Variants in PATJ observed in about 807,000 individuals in gnomAD.
PATJ encodes the protein PATJ crumbs cell polarity complex component.
A neutral mutation model predicts 224.9 loss-of-function variants in PATJ; 190 were observed. That is an observed-to-expected ratio of 0.84 (90% CI 0.75 to 0.95). The LOEUF (loss-of-function observed/expected upper bound fraction) is 0.95, where lower values mean the gene tolerates loss of function less well. Ranked by LOEUF, PATJ falls within the 40% of genes least tolerant of loss-of-function variation. The pLI is 0.00. For missense variants in PATJ, 2,121 were observed against 2,270.3 expected (o/e 0.93, Z 1.34); for synonymous variants, 769 against 820.3 (o/e 0.94, Z 1.07).
intron 27 of PATJ, among the ~76,000 whole-genome samples, chr1:61,951,144 G>T (rs1210637538): frequency 6.7e-6 from 1 of 149,786 alleles, no homozygotes; most frequent in South Asian, 2.1e-4. Context: ...TCTAAAAAGC[G>T]CACCTCTGCA....
chr1:61,875,246 A>G lies in PATJ; in HGVS notation c.2839A>G (p.Lys947Glu), dbSNP rs202138391. The G allele has an allele frequency of 1.2e-4, 197 of 1,587,130 alleles. No homozygotes were observed. The East Asian group carries it at 4.2e-3, about 34-fold the overall frequency. ...PYGYCPENVMKENFVMESLPS... is the reference protein window; with the variant it reads ...PYGYCPENVMEENFVMESLPS... Reference sequence around the variant, plus strand: ...TTCTATTTTTCTTCCTCTCAAGATGAAAGAAAATTTTGTCATGGAGTCCCT... The same window carrying G: ...TTCTATTTTTCTTCCTCTCAAGATGGAAGAAAATTTTGTCATGGAGTCCCT... Residue 947 changes from lysine (K) to glutamate (E), a missense_variant, in exon 21 of 44, where the codon AAA (lysine) becomes GAA (glutamate). By Grantham distance (56) the Lys-to-Glu change is moderately conservative. Coordinates refer to ENST00000642238, the MANE Select transcript of PATJ (RefSeq NM_001350145.3).
chr1:62,025,866 A>G (rs1307488993), intron 29 of PATJ, among the ~76,000 whole-genome samples: 2 of 152,172 alleles, frequency 1.3e-5, no homozygotes, highest in Non-Finnish European at 2.9e-5. Flanking sequence ...TGATAAACTT[A>G]TTAGGCCAAG....
At chr1:61,831,754 T>C (rs1659364527) in intron 16 of PATJ, among the ~76,000 whole-genome samples, 1 of 152,208 alleles carries the variant, frequency 6.6e-6, no homozygotes, top group Non-Finnish European at 1.5e-5. Context: ...GTTCAGCCAC[T>C]GTGGAAAGCA....
intron 20 of PATJ, 62 bp from the exon 21 acceptor site, chr1:61,875,181 C>T: frequency 9.1e-7 from 1 of 1,095,316 alleles, no homozygotes; most frequent in Admixed American, 2.3e-5. Flanking sequence ...GCTTGATCAA[C>T]TGTACAGTAA....
chr1:61,874,172 T>TTTTA (rs61201804), intron 20 of PATJ, among the ~76,000 whole-genome samples: 28,962 of 139,342 alleles, frequency 0.21, 3,443 homozygotes, highest in East Asian at 0.51. Flanking sequence ...CTTGGGCCTA[T>TTTTA]TTTATTTATT....
intron 31 of PATJ, among the ~76,000 whole-genome samples, chr1:62,062,002 C>G (rs981364778): frequency 6.6e-6 from 1 of 152,158 alleles, no homozygotes; most frequent in Non-Finnish European, 1.5e-5. Flanking sequence ...GATGGGCACC[C>G]AGGTTGATAT....
chr1:61,900,041 C>A (rs1028933099), intron 23 of PATJ, among the ~76,000 whole-genome samples: 4 of 152,176 alleles, frequency 2.6e-5, no homozygotes, highest in African/African-American at 9.7e-5. Flanking sequence ...ACCTTCCTCC[C>A]CTGGTGGAGA....
intron 8 of PATJ, among the ~76,000 whole-genome samples, chr1:61,789,544 G>A (rs1649327775): frequency 6.6e-6 from 1 of 151,954 alleles, no homozygotes; most frequent in South Asian, 2.1e-4. Flanking sequence ...CGGTCTTGGT[G>A]GCTCATGCCT....
At chr1:61,833,826 G>C in intron 17 of PATJ, 41 bp downstream of exon 17, 1 of 1,574,402 alleles carries the variant, frequency 6.4e-7, no homozygotes, top group Non-Finnish European at 8.6e-7. Context: ...TGGAGTGATT[G>C]GTTTGTATTA....
intron 20 of PATJ, among the ~76,000 whole-genome samples, chr1:61,866,176 A>G (rs1428718826): frequency 6.6e-6 from 1 of 152,200 alleles, no homozygotes; most frequent in Non-Finnish European, 1.5e-5. Flanking sequence ...ATTCAGTTAT[A>G]TGAATCAAAT....
chr1:62,125,811 C>T (rs1665663825), intron 39 of PATJ, among the ~76,000 whole-genome samples: 2 of 152,072 alleles, frequency 1.3e-5, no homozygotes, highest in Non-Finnish European at 2.9e-5. Context: ...ACTCTGTTAC[C>T]CAGGCTGGAG....
At chr1:61,850,982 AATAG>A (rs1427585333) in intron 17 of PATJ, among the ~76,000 whole-genome samples, 2 of 152,160 alleles carry the variant, frequency 1.3e-5, no homozygotes, top group South Asian at 2.1e-4. Flanking sequence ...ACGCAAACTA[AATAG>A]ATAGTCATTC....
chr1:62,021,477 A>C (rs1647077746), intron 29 of PATJ, among the ~76,000 whole-genome samples: 1 of 152,204 alleles, frequency 6.6e-6, no homozygotes, highest in Admixed American at 6.5e-5. Context: ...AGTGTTCAGA[A>C]AGCTTTATTG....
chr1:61,913,151 T>G (rs1571258614), intron 25 of PATJ, among the ~76,000 whole-genome samples: 1 of 152,112 alleles, frequency 6.6e-6, no homozygotes, highest in Non-Finnish European at 1.5e-5. Context: ...AAAATGGGCT[T>G]TTTGTTTTGT....
At chr1:62,084,476 T>C (rs200980840) in intron 32 of PATJ, 39 bp from the exon 33 acceptor site, 4 of 1,585,612 alleles carry the variant, frequency 2.5e-6, no homozygotes, top group Admixed American at 1.8e-5. Context: ...GAGCTGCAGC[T>C]CTTACATGCC....
At chr1:61,885,895 G>A (rs1452964848) in intron 22 of PATJ, among the ~76,000 whole-genome samples, 1 of 151,714 alleles carries the variant, frequency 6.6e-6, no homozygotes, top group African/African-American at 2.4e-5. Flanking sequence ...GATGAAATTG[G>A]AAATCATCGT....
At chr1:61,999,560 C>A (rs111329408) in intron 28 of PATJ, among the ~76,000 whole-genome samples, 3,585 of 151,938 alleles carry the variant, frequency 0.024, 133 homozygotes, top group African/African-American at 0.082. Context: ...CTCAGCTACT[C>A]GGGGGGCTGA....
intron 14 of PATJ, chr1:61,816,418 T>C (rs948964904): frequency 6.6e-6 from 1 of 152,170 alleles, no homozygotes; most frequent in Non-Finnish European, 1.5e-5. Flanking sequence ...AAACAAATCA[T>C]ATGCTTGCTT....
chr1:62,049,478 T>C (rs1653191718), intron 30 of PATJ, among the ~76,000 whole-genome samples: 1 of 152,172 alleles, frequency 6.6e-6, no homozygotes, highest in South Asian at 2.1e-4. Flanking sequence ...ATCAAAACTC[T>C]TTTCCCTATA....
Sources: gnomAD v4.1 joint callset for allele counts (sites outside exome capture counted in the v4.1 genomes callset) on GRCh38, gnomAD v4.1.1 for gene constraint, MANE v1.5 for transcripts, NCBI Gene and HGNC (gene_info 2026-07-23, HGNC 2026-07-21) for gene names.